MYO5A: variants seen among roughly 807,000 people sequenced by gnomAD.
MYO5A encodes unconventional myosin-Va.
A neutral mutation model predicts 249.7 loss-of-function variants in MYO5A; 98 were observed. The ratio of observed to expected loss-of-function variants is 0.39; its 90% CI spans 0.33 to 0.46. The LOEUF (loss-of-function observed/expected upper bound fraction) is 0.46, where lower values mean the gene tolerates loss of function less well. MYO5A is among the 20% of genes least tolerant of loss of function. The pLI is 0.98. For missense variants in MYO5A, 1,696 were observed against 2,308.8 expected (o/e 0.73, Z 5.44); for synonymous variants, 778 against 810.6 (o/e 0.96, Z 0.68).
chr15:52,372,507 T>C (rs1438534532), intron 20 of MYO5A, 144 bp from the exon 21 acceptor site: 1 of 1,130,824 alleles, frequency 8.8e-7, no homozygotes, highest in African/African-American at 1.5e-5. Context: ...AGATTATACT[T>C]ATCACAGATA....
At chr15:52,440,272 CTTTTTTT>C (rs202124249) in intron 1 of MYO5A, among the ~76,000 whole-genome samples, 1 of 145,636 alleles carries the variant, frequency 6.9e-6, no homozygotes, top group African/African-American at 2.5e-5. Context: ...TTTTCTTTTT[CTTTTTTT>C]TTTTCTGAGA....
At chr15:52,453,478 T>C (rs963387669) in intron 1 of MYO5A, among the ~76,000 whole-genome samples, 2 of 151,608 alleles carry the variant, frequency 1.3e-5, no homozygotes, top group African/African-American at 4.9e-5. Context: ...AAAACACTAA[T>C]GTGAAAAAAC....
At chr15:52,485,979 CA>C (rs1296579388) in intron 1 of MYO5A, among the ~76,000 whole-genome samples, 1 of 152,198 alleles carries the variant, frequency 6.6e-6, no homozygotes, top group Non-Finnish European at 1.5e-5. Flanking sequence ...TCACCGTAAA[CA>C]AGCAGTCATG....
At chr15:52,513,930 C>T (rs1389945330) in intron 1 of MYO5A, among the ~76,000 whole-genome samples, 4 of 151,962 alleles carry the variant, frequency 2.6e-5, no homozygotes, top group Non-Finnish European at 5.9e-5. Context: ...TTAAAACTGG[C>T]CAAGAGACTA....
At chr15:52,453,597 G>A (rs2076061844) in intron 1 of MYO5A, among the ~76,000 whole-genome samples, 1 of 152,146 alleles carries the variant, frequency 6.6e-6, no homozygotes, top group South Asian at 2.1e-4. Flanking sequence ...CTAGTATAAT[G>A]TCTGGAAGAT....
At chr15:52,388,056 A>C (rs2042044283) in intron 13 of MYO5A, 144 bp from the exon 14 acceptor site, 2 of 674,614 alleles carry the variant, frequency 3.0e-6, no homozygotes, top group Non-Finnish European at 5.1e-6. Context: ...CAAGAAACCA[A>C]GGCCATTCCT....
At chr15:52,314,089 T>C in intron 41 of MYO5A, 34 bp downstream of exon 41, 2 of 1,511,864 alleles carry the variant, frequency 1.3e-6, no homozygotes, top group Non-Finnish European at 1.8e-6. Flanking sequence ...AAAGACTGTG[T>C]TGGTGAATCA....
intron 1 of MYO5A, chr15:52,505,544 G>A (rs1379409228): frequency 5.1e-6 from 8 of 1,565,124 alleles, no homozygotes; most frequent in South Asian, 2.2e-5. Context: ...AAGAGGCTAA[G>A]GGAAGAACGT....
chr15:52,405,032 C>T (rs1472636998), intron 9 of MYO5A, among the ~76,000 whole-genome samples: 9 of 129,202 alleles, frequency 7.0e-5, no homozygotes, highest in Admixed American at 9.0e-5. Context: ...CCAACCCTCT[C>T]TCTTTCTCTC....
intron 1 of MYO5A, among the ~76,000 whole-genome samples, chr15:52,474,871 G>A (rs2076557633): frequency 6.6e-6 from 1 of 152,150 alleles, no homozygotes; most frequent in South Asian, 2.1e-4. Flanking sequence ...GTCTCTGCCA[G>A]GCTTTGGTAT....
intron 4 of MYO5A, among the ~76,000 whole-genome samples, chr15:52,424,372 T>C (rs926404346): frequency 6.6e-6 from 1 of 152,194 alleles, no homozygotes; most frequent in Non-Finnish European, 1.5e-5. Context: ...CTTAGAAAAG[T>C]TACACAACTT....
At chr15:52,520,168 CTAT>C (rs1307949232) in intron 1 of MYO5A, among the ~76,000 whole-genome samples, 1 of 152,174 alleles carries the variant, frequency 6.6e-6, no homozygotes, top group Non-Finnish European at 1.5e-5. Flanking sequence ...TTTCAGTGAC[CTAT>C]TCATAGCATA....
At chr15:52,469,822 A>C (rs531274309) in intron 1 of MYO5A, among the ~76,000 whole-genome samples, 116 of 152,180 alleles carry the variant, frequency 7.6e-4, no homozygotes, top group African/African-American at 2.5e-3. Context: ...CTTTTTTCTC[A>C]CAGTCCGGCA....
chr15:52,453,811 TATAAG>T (rs2076067210), intron 1 of MYO5A, among the ~76,000 whole-genome samples: 1 of 152,014 alleles, frequency 6.6e-6, no homozygotes, highest in Non-Finnish European at 1.5e-5. Context: ...TTATTATATC[TATAAG>T]ATGTTTTCTA....
intron 6 of MYO5A, among the ~76,000 whole-genome samples, chr15:52,409,966 T>C (rs1190528486): frequency 6.6e-6 from 1 of 151,992 alleles, no homozygotes; most frequent in East Asian, 1.9e-4. Flanking sequence ...GACAAGATAA[T>C]TTTTTTTCTT....
chr15:52,470,481 G>T (rs28795685), intron 1 of MYO5A, among the ~76,000 whole-genome samples: 12 of 152,010 alleles, frequency 7.9e-5, no homozygotes, highest in Non-Finnish European at 1.8e-4. Flanking sequence ...GAGAAACTCC[G>T]TCTCTACTAA....
At chr15:52,323,558 T>C (rs772129563) in intron 36 of MYO5A, 114 bp from the exon 37 acceptor site, 12 of 751,398 alleles carry the variant, frequency 1.6e-5, no homozygotes, top group Non-Finnish European at 2.5e-5. Flanking sequence ...TAAACAATTA[T>C]AAAAATAAAT....
intron 1 of MYO5A, among the ~76,000 whole-genome samples, chr15:52,443,707 C>CA (rs72495071): frequency 0.14 from 11,271 of 81,944 alleles, 620 homozygotes; most frequent in Middle Eastern, 0.22. Flanking sequence ...GACTCCATCT[C>CA]AAAAAAAAAA....
chr15:52,350,609 C>T (rs2039897304), intron 28 of MYO5A, among the ~76,000 whole-genome samples: 1 of 152,118 alleles, frequency 6.6e-6, no homozygotes, highest in Non-Finnish European at 1.5e-5. Context: ...ACTCAGATTC[C>T]CTCTGGTGGC....
Sources: allele counts gnomAD v4.1 joint callset (sites outside exome capture counted in the v4.1 genomes callset), GRCh38; gene constraint gnomAD v4.1.1; transcripts MANE v1.5; gene names NCBI Gene and HGNC (gene_info 2026-07-23, HGNC 2026-07-21).